The following SLC5A12 variants were observed in gnomAD, a reference collection of about 807,000 sequenced individuals.
The protein encoded by SLC5A12 is sodium-coupled monocarboxylate transporter 2.
Under a neutral mutation model 72.7 loss-of-function variants are expected in SLC5A12, and 46 were observed. The ratio of observed to expected loss-of-function variants is 0.63; its 90% CI spans 0.50 to 0.81. The LOEUF is 0.81. Ranked by LOEUF, SLC5A12 falls within the 30% of genes least tolerant of loss-of-function variation. The probability of loss-of-function intolerance (pLI) is 0.00; values close to 1 mark genes in which losing one functional copy is unlikely to be tolerated. For missense variants in SLC5A12, 683 were observed against 740.7 expected, an observed-to-expected ratio of 0.92 and a Z score of 0.90; for synonymous variants, 275 against 264.4, an observed-to-expected ratio of 1.04 and a Z score of -0.39.
At chr11:26,716,740 C>T (rs538380236) in intron 1 of SLC5A12, among the ~76,000 whole-genome samples, 1 of 152,114 alleles carries the variant, frequency 6.6e-6, no homozygotes, top group African/African-American at 2.4e-5. Context: ...GCTTGCCCCC[C>T]ACTTTCAAAA....
chr11:26,680,357 A>C (rs1565185723), intron 12 of SLC5A12, among the ~76,000 whole-genome samples: 1 of 135,802 alleles, frequency 7.4e-6, no homozygotes, highest in African/African-American at 2.7e-5. Flanking sequence ...ATTCATATAT[A>C]TATGTATATA....
chr11:26,667,351 G>T lies in SLC5A12; in HGVS notation c.*3751C>A, dbSNP rs1590698201. 6.6e-6 allele frequency: 1 copy of T among 151,892 alleles called. No individual in the cohort carries two copies. Among genetic ancestry groups the T allele is most frequent in the Non-Finnish European group, 1.5e-5 (1 of 67,866 alleles). 9.4% of individuals were successfully genotyped at this position (151,892 alleles called of 1,614,324 possible). A position where few individuals can be genotyped will look rare whatever the true frequency, so the allele number is the denominator to read the frequency against. Reference sequence around the variant, plus strand: ...GATCTTTGTAATAATGTTTGATTAAGACTGTAACAGCACAAAAATATTTCA... The same window carrying T: ...GATCTTTGTAATAATGTTTGATTAATACTGTAACAGCACAAAAATATTTCA... On this transcript the variant is annotated 3_prime_UTR_variant, in exon 15 of 15. Transcript: ENST00000396005.
rs71047876 is a variant in SLC5A12, at chr11:26,705,925, T to TAC, written c.526-1980_526-1979dup. 4.7e-3 allele frequency among the ~76,000 whole-genome samples: 609 copies of TAC among 129,694 alleles called. 5 individuals are homozygous for TAC. Among genetic ancestry groups the TAC allele is most frequent in the East Asian group, 9.8e-3 (42 of 4,288 alleles). The allele number at this position is 129,694 out of a possible 152,430, so 85.1% of individuals were successfully genotyped here. ...GAGTCCTCACCTCTTTTCTCTGTCA[T>TAC]ACACACACACACACACACACACACA... On this transcript the variant is annotated intron_variant, in intron 4 of 14. Coordinates refer to ENST00000396005, the MANE Select transcript of SLC5A12 (RefSeq NM_178498.4).
intron 1 of SLC5A12, among the ~76,000 whole-genome samples, chr11:26,719,840 G>A (rs972298240): frequency 6.6e-6 from 1 of 152,016 alleles, no homozygotes; most frequent in African/African-American, 2.4e-5. Context: ...TGTTTTTGTA[G>A]GACAGGACAG....
chr11:26,709,315 G>C lies in SLC5A12; in HGVS notation c.522C>G (p.Thr174=), dbSNP rs754984919. ...TTCTTCACAGCTAGATACATACCAG[G>C]GTACAGTAGAATGTGCAAACAATTC... ...ATGIVCTFYC[T]LGGLKAVVWT... Residue 174 remains threonine, a synonymous_variant, in exon 4 of 15, where the codon ACC becomes ACG. Coordinates refer to ENST00000396005, the MANE Select transcript of SLC5A12 (RefSeq NM_178498.4). The C allele has an allele frequency of 3.1e-6, 5 of 1,609,094 alleles. No individual in the cohort carries two copies. In the African/African-American group the frequency reaches 4.0e-5, roughly 13 times the overall value.
At chr11:26,707,371 T>C (rs920142736) in intron 4 of SLC5A12, among the ~76,000 whole-genome samples, 1 of 152,130 alleles carries the variant, frequency 6.6e-6, no homozygotes, top group South Asian at 2.1e-4. Context: ...TCTGAAAAAT[T>C]AGAATCCATA....
rs1554988602 is a variant in SLC5A12, at chr11:26,669,187, T to TTTTCTTTTCTTTCTTTC, written c.*1914_*1915insGAAAGAAAGAAAAGAAA. On this transcript the variant is annotated 3_prime_UTR_variant, in exon 15 of 15. Transcript: ENST00000396005. Reference sequence around the variant, plus strand: ...TGTCTTTTTCTTTCTTTCTTTCTTCTTTTCTTTCTTTCTTTCTTTCTTTCT... The same window carrying TTTTCTTTTCTTTCTTTC: ...TGTCTTTTTCTTTCTTTCTTTCTTCTTTTCTTTTCTTTCTTTCTTTCTTTCTTTCTTTCTTTCTTTCT... 2.5e-4 allele frequency: 28 copies of TTTTCTTTTCTTTCTTTC among 111,004 alleles called. No individual in the cohort carries two copies. The highest frequency in any genetic ancestry group is 8.7e-4 in the African/African-American group (27 of 31,184). The allele number at this position is 111,004 out of a possible 1,614,324, so 6.9% of individuals were successfully genotyped here.
At position 26,667,560 on chromosome 11, in the gene SLC5A12, A is replaced by T. The variant is rs1424134225; in HGVS notation, c.*3542T>A. On this transcript the variant is annotated 3_prime_UTR_variant, in exon 15 of 15. Transcript: ENST00000396005. The stretch of plus-strand genomic sequence containing the variant: ...CTTCTGTTGCTATTTTGAGAGTCAT[A>T]GTTGCTTTGAACTGTGCAATGAGTA... The T allele has an allele frequency of 6.6e-6, 1 of 151,966 alleles. No individual in the cohort carries two copies. Among genetic ancestry groups the T allele is most frequent in the Non-Finnish European group, 1.5e-5 (1 of 67,906 alleles). 9.4% of individuals were successfully genotyped at this position (151,966 alleles called of 1,614,324 possible). A position where few individuals can be genotyped will look rare whatever the true frequency, so the allele number is the denominator to read the frequency against.
At chr11:26,693,005 TATTC>T (rs1346421927) in intron 8 of SLC5A12, among the ~76,000 whole-genome samples, 1 of 152,210 alleles carries the variant, frequency 6.6e-6, no homozygotes, top group Non-Finnish European at 1.5e-5. Flanking sequence ...ACTCATTAAT[TATTC>T]ATTCATTTAT....
intron 13 of SLC5A12, 54 bp downstream of exon 13, chr11:26,678,658 T>A: frequency 7.8e-7 from 1 of 1,278,790 alleles, no homozygotes; most frequent in Non-Finnish European, 1.1e-6. Context: ...AGTCCACCAA[T>A]GCATGCATGA....
In SLC5A12 at chr11:26,712,641, C is replaced by T. The variant is rs140957763; in HGVS notation, c.405G>A (p.Thr135=). 7.6e-5 allele frequency: 117 copies of T among 1,545,670 alleles called. No homozygotes were observed. The African/African-American group carries it at 1.3e-3, about 17-fold the overall frequency. Reference sequence around the variant, plus strand: ...ATCTGCAGCAGCCATGACCACTTACCGTCTGTACAATGTAGATGACCGTGG... The same window carrying T: ...ATCTGCAGCAGCCATGACCACTTACTGTCTGTACAATGTAGATGACCGTGG... ...YAATVIYIVQ[T]ILYTGVVVYA... The change falls in exon 2 of 15, where the codon ACG becomes ACA. Residue 135 remains threonine (T), a splice_region_variant and synonymous_variant. Coordinates refer to ENST00000396005, the MANE Select transcript of SLC5A12 (RefSeq NM_178498.4).
At position 26,721,717 on chromosome 11, in the gene SLC5A12, T is replaced by G. The variant is rs137945530; in HGVS notation, c.-3A>C. The G allele has an allele frequency of 9.3e-6, 15 of 1,610,574 alleles. No homozygotes were observed. In the East Asian group the frequency reaches 3.1e-4, roughly 34 times the overall value. On this transcript the variant is annotated 5_prime_UTR_variant, in exon 1 of 15. Coordinates refer to ENST00000396005, the MANE Select transcript of SLC5A12 (RefSeq NM_178498.4). The stretch of plus-strand genomic sequence containing the variant: ...ACTGCAAAGTTCTTCACCTCCATAT[T>G]GGAAAGTATGACACCAGAGAGTTTC...
At chr11:26,677,433 T>C (rs1409852380) in intron 13 of SLC5A12, among the ~76,000 whole-genome samples, 1 of 152,144 alleles carries the variant, frequency 6.6e-6, no homozygotes, top group Non-Finnish European at 1.5e-5. Context: ...CATTTCCTGA[T>C]TTAGAAGGAA....
chr11:26,713,048 G>A (rs952547720), intron 1 of SLC5A12, among the ~76,000 whole-genome samples: 7 of 152,066 alleles, frequency 4.6e-5, no homozygotes, highest in Admixed American at 2.0e-4. Context: ...AATTTAGTTC[G>A]ATCCTTTATT....
rs1438967294 is a variant in SLC5A12 at position 26,670,889 on chromosome 11, T to C, written c.*213A>G. ...TCAAGGGCATTTGGAGCAGGTTGGT[T>C]TTTCTCTGTGAAAGTTGGAGTCTTT... On this transcript the variant is annotated 3_prime_UTR_variant, in exon 15 of 15. Transcript: ENST00000396005. 1 of 402,162 alleles carries C rather than the reference T, an allele frequency of 2.5e-6. No individual in the cohort carries two copies. The highest frequency in any genetic ancestry group is 4.3e-6 in the Non-Finnish European group (1 of 233,392). 24.9% of individuals were successfully genotyped at this position (402,162 alleles called of 1,614,324 possible).
At position 26,673,452 on chromosome 11, in the gene SLC5A12, A is replaced by G. The variant is rs1382595682; in HGVS notation, c.1657T>C (p.Tyr553His). The G allele has an allele frequency of 6.2e-7, 1 of 1,611,886 alleles. No individual in the cohort carries two copies. Among genetic ancestry groups the G allele is most frequent in the Non-Finnish European group, 8.5e-7 (1 of 1,178,948 alleles). Residue 553 changes from tyrosine to histidine, a missense_variant, in exon 14 of 15, where the codon TAC becomes CAC. By Grantham distance (83) the Tyr-to-His change is moderately conservative. Coordinates refer to ENST00000396005, the MANE Select transcript of SLC5A12 (RefSeq NM_178498.4). ...CNLFCFWSKK[Y>H]KTLCWCGVQH... ...ACTCCACACCAGCATAGTGTTTTGT[A>G]CTTCTTAGACCAAAAGCAAAATAAA...
intron 11 of SLC5A12, among the ~76,000 whole-genome samples, chr11:26,681,814 G>C (rs1041730014): frequency 1.3e-5 from 2 of 152,060 alleles, no homozygotes; most frequent in African/African-American, 4.8e-5. Context: ...GCAGAGATTA[G>C]GACCACTAGA....
intron 4 of SLC5A12, among the ~76,000 whole-genome samples, chr11:26,705,925 TACACACACAC>T (rs71047876): frequency 0.11 from 14,118 of 129,580 alleles, 752 homozygotes; most frequent in East Asian, 0.14. Flanking sequence ...TTCTCTGTCA[TACACACACAC>T]ACACACACAC....
At position 26,721,480 on chromosome 11, in the gene SLC5A12, C is replaced by A. The variant is rs1565207097; in HGVS notation, c.235G>T (p.Ala79Ser). 1 of 1,613,820 alleles carries A rather than the reference C, an allele frequency of 6.2e-7. No individual in the cohort carries two copies. Among genetic ancestry groups the A allele is most frequent in the East Asian group, 2.2e-5 (1 of 44,858 alleles). Residue 79 changes from alanine to serine, a missense_variant, in exon 1 of 15, where the codon GCA (alanine) becomes TCA (serine). Ala to Ser is a moderately conservative substitution (Grantham distance 99). Transcript: ENST00000396005. Reference protein sequence around the residue: ...GTPSEVYRFGASFLVFFIAYL... With the variant: ...GTPSEVYRFGSSFLVFFIAYL... ...GCAATGAAGAAGACTAGGAAGGATGCCCCAAAGCGGTAGACTTCAGAAGGG... is the reference window on the plus strand; with the variant it reads ...GCAATGAAGAAGACTAGGAAGGATGACCCAAAGCGGTAGACTTCAGAAGGG...
Sources: allele counts gnomAD v4.1 joint callset (sites outside exome capture counted in the v4.1 genomes callset), GRCh38; gene constraint gnomAD v4.1.1; transcripts MANE v1.5; gene names NCBI Gene and HGNC (gene_info 2026-07-23, HGNC 2026-07-21).